PTPRT: variants seen among roughly 807,000 people sequenced by gnomAD.
The protein encoded by PTPRT is protein tyrosine phosphatase receptor type T.
A neutral mutation model predicts 176.8 loss-of-function variants in PTPRT; 56 were observed. That is an observed-to-expected ratio of 0.32 (90% CI 0.26 to 0.40). The LOEUF is 0.40. PTPRT is among the 10% of genes least tolerant of loss of function. The pLI, the probability that PTPRT is intolerant of heterozygous loss-of-function variation, is 1.00. For synonymous variants in PTPRT, 783 were observed against 739.0 expected, an observed-to-expected ratio of 1.06 and a Z score of -0.96; for missense variants, 1,540 against 1,908.2, an observed-to-expected ratio of 0.81 and a Z score of 3.60.
At chr20:42,086,753 A>AAAATATATATATATATATATAT (rs1983991312) in intron 27 of PTPRT, among the ~76,000 whole-genome samples, 1 of 95,540 alleles carries the variant, frequency 1.0e-5, no homozygotes, top group Non-Finnish European at 2.0e-5. Flanking sequence ...AAAAAAAAAA[A>AAAATATATATATATATATATAT]ATATATATAT....
chr20:42,461,341 T>TA (rs1555856551), intron 8 of PTPRT, among the ~76,000 whole-genome samples: 2 of 151,780 alleles, frequency 1.3e-5, no homozygotes, highest in South Asian at 4.2e-4. Flanking sequence ...AATAAATAAA[T>TA]AAATAAAATA....
At chr20:42,893,920 G>A (rs2079244345) in intron 1 of PTPRT, among the ~76,000 whole-genome samples, 1 of 151,838 alleles carries the variant, frequency 6.6e-6, no homozygotes, top group African/African-American at 2.4e-5. Flanking sequence ...TAAATGACGA[G>A]TTAATGGGTG....
At chr20:42,040,006 C>A in the PTPRT span, among the ~76,000 whole-genome samples, 7 of 151,978 alleles carry the variant, frequency 4.6e-5, no homozygotes, top group African/African-American at 7.2e-5. Flanking sequence ...TTTTGAGGAA[C>A]CACCATACTG....
intron 7 of PTPRT, among the ~76,000 whole-genome samples, chr20:42,571,748 C>T (rs143947431): frequency 1.5e-3 from 233 of 152,166 alleles, no homozygotes; most frequent in African/African-American, 5.3e-3. Flanking sequence ...AGGAAGAGGA[C>T]CCCAACCCCC....
At chr20:42,854,701 C>T (rs887807600) in intron 2 of PTPRT, among the ~76,000 whole-genome samples, 15 of 152,220 alleles carry the variant, frequency 9.9e-5, no homozygotes, top group Admixed American at 7.9e-4. Flanking sequence ...CTAAGCATTG[C>T]TCATTAGCAT....
intron 15 of PTPRT, among the ~76,000 whole-genome samples, chr20:42,213,665 G>A (rs2055699452): frequency 6.6e-6 from 1 of 152,180 alleles, no homozygotes; most frequent in African/African-American, 2.4e-5. Flanking sequence ...GGACAGAAGT[G>A]CACTGGAAGA....
chr20:42,689,285 G>A (rs1053671298), intron 6 of PTPRT, among the ~76,000 whole-genome samples: 2 of 152,218 alleles, frequency 1.3e-5, no homozygotes, highest in African/African-American at 4.8e-5. Flanking sequence ...AAAGACAGAA[G>A]AGAAAGGATG....
At chr20:43,055,102 A>G (rs184109570) in intron 1 of PTPRT, among the ~76,000 whole-genome samples, 182 of 152,306 alleles carry the variant, frequency 1.2e-3, no homozygotes, top group Non-Finnish European at 2.0e-3. Context: ...TTATTAATAT[A>G]CTTTTCAGCC....
chr20:43,047,232 C>G (rs1305001491), intron 1 of PTPRT, among the ~76,000 whole-genome samples: 3 of 152,156 alleles, frequency 2.0e-5, no homozygotes, highest in African/African-American at 7.2e-5. Context: ...CAACTCCCAA[C>G]TTTTTTATTT....
chr20:43,167,632 A>G (rs970230925), intron 1 of PTPRT, among the ~76,000 whole-genome samples: 1 of 152,224 alleles, frequency 6.6e-6, no homozygotes, highest in African/African-American at 2.4e-5. Flanking sequence ...TAGGCTACAT[A>G]AGATGATGAC....
At chr20:42,696,480 G>A (rs1417910816) in intron 6 of PTPRT, among the ~76,000 whole-genome samples, 1 of 109,426 alleles carries the variant, frequency 9.1e-6, no homozygotes, top group Non-Finnish European at 1.9e-5. Context: ...TTTTGAGACA[G>A]AGCCTCGCTC....
chr20:43,147,312 T>C (rs2014197899), intron 1 of PTPRT, among the ~76,000 whole-genome samples: 1 of 152,154 alleles, frequency 6.6e-6, no homozygotes, highest in Non-Finnish European at 1.5e-5. Flanking sequence ...ATCAGCAAAA[T>C]GGAAAGCAAC....
At chr20:42,556,083 C>T (rs192216665) in intron 7 of PTPRT, among the ~76,000 whole-genome samples, 59 of 152,236 alleles carry the variant, frequency 3.9e-4, no homozygotes, top group East Asian at 2.1e-3. Context: ...ATCTATTAAG[C>T]GACAAAGACT....
intron 26 of PTPRT, among the ~76,000 whole-genome samples, chr20:42,101,072 G>A (rs1985888742): frequency 6.6e-6 from 1 of 152,232 alleles, no homozygotes; most frequent in Non-Finnish European, 1.5e-5. Flanking sequence ...TCTATTCTGA[G>A]TGAGATAGGA....
intron 2 of PTPRT, among the ~76,000 whole-genome samples, chr20:42,837,983 A>T (rs1217343007): frequency 6.6e-6 from 1 of 152,186 alleles, no homozygotes; most frequent in Non-Finnish European, 1.5e-5. Context: ...CTTTTTCCAA[A>T]CTGGGTGGCA....
intron 1 of PTPRT, among the ~76,000 whole-genome samples, chr20:43,171,277 C>A (rs1255311126): frequency 6.6e-6 from 1 of 152,104 alleles, no homozygotes; most frequent in Non-Finnish European, 1.5e-5. Flanking sequence ...ATTAAAATTG[C>A]TGAAAGTATC....
At chr20:42,128,917 A>T in intron 18 of PTPRT, 87 bp from the exon 19 acceptor site, 1 of 1,071,218 alleles carries the variant, frequency 9.3e-7, no homozygotes. Context: ...TTTATTAATG[A>T]CTGCATATCA....
intron 1 of PTPRT, among the ~76,000 whole-genome samples, chr20:43,096,357 C>T (rs942857571): frequency 1.3e-5 from 2 of 152,222 alleles, no homozygotes; most frequent in African/African-American, 4.8e-5. Flanking sequence ...GGCTCACAGG[C>T]TCCTTTCTTA....
intron 1 of PTPRT, among the ~76,000 whole-genome samples, chr20:42,984,489 C>G (rs533682014): frequency 1.3e-5 from 2 of 152,294 alleles, no homozygotes; most frequent in East Asian, 3.9e-4. Flanking sequence ...TAATGTGGAA[C>G]AAAAACAATC....
Sources: allele counts gnomAD v4.1 joint callset (sites outside exome capture counted in the v4.1 genomes callset), GRCh38; gene constraint gnomAD v4.1.1; transcripts MANE v1.5; gene names NCBI Gene and HGNC (gene_info 2026-07-23, HGNC 2026-07-21).